CFAP65: variants seen among roughly 807,000 people sequenced by gnomAD.
The protein encoded by CFAP65 is cilia and flagella associated protein 65, also known as cilia- and flagella-associated protein 65.
CFAP65 carries 155 observed loss-of-function variants against 208.0 expected under a neutral mutation model. The observed-to-expected ratio is 0.75, with a 90% CI of 0.65 to 0.85. The LOEUF (loss-of-function observed/expected upper bound fraction) is 0.85, where lower values mean the gene tolerates loss of function less well. CFAP65 is among the 40% of genes least tolerant of loss of function. CFAP65 has a pLI of 0.00. For missense variants in CFAP65, 2,294 were observed against 2,451.3 expected (o/e 0.94, Z 1.36); for synonymous variants, 970 against 986.3 (o/e 0.98, Z 0.31).
In CFAP65 at chr2:219,028,420, T is replaced by A; in HGVS notation, c.1651-19A>T. The A allele has an allele frequency of 6.3e-7, 1 of 1,596,400 alleles. No homozygotes were observed. Among genetic ancestry groups the A allele is most frequent in the African/African-American group, 1.4e-5 (1 of 71,644 alleles). On this transcript the variant is annotated intron_variant, in intron 11 of 34. Coordinates refer to ENST00000341552, the MANE Select transcript of CFAP65 (RefSeq NM_194302.4). ...GTGGGTCCTGTGACATTTGTCTGTG[T>A]GTGGTGGGGCATGGGAGGGGTGGTA...
chr2:219,019,593 C>A lies in CFAP65; in HGVS notation c.3386G>T (p.Arg1129Leu). The stretch of plus-strand genomic sequence containing the variant: ...GTTAAGCAGGTCCAGAGAGAAGAGG[C>A]GCCACAGGTGCTTCCGGGTGATACC... ...AEGITRKHLWRLFSLDLLNSY... is the reference protein window; with the variant it reads ...AEGITRKHLWLLFSLDLLNSY... Residue 1129 changes from arginine to leucine, a missense_variant, in exon 20 of 35, where the codon CGC becomes CTC. Around this residue, in one of 2 missense-constraint regions of CFAP65, gnomAD observed 1,427 missense variants for 1,438.7 expected, o/e 0.99. Transcript: ENST00000341552. The A allele has an allele frequency of 6.2e-7, 1 of 1,613,804 alleles. No individual in the cohort carries two copies.
chr2:219,009,413 G>A lies in CFAP65; in HGVS notation c.4500C>T (p.Val1500=), dbSNP rs1946269889. ...AGGCCCTCAAGGTCACCACAAATGG[G>A]ACCGTCTCTTCAGGAGCCACCACCC... The part of the protein sequence containing the change: ...MIGVVAPEET[V]PFVVTLRASV... Residue 1500 remains valine, a synonymous_variant, in exon 28 of 35, where the codon GTC becomes GTT. Transcript: ENST00000341552. 13 of 1,612,680 alleles carry A rather than the reference G, an allele frequency of 8.1e-6. No homozygotes were observed. The highest frequency in any genetic ancestry group is 1.1e-5 in the Non-Finnish European group (13 of 1,179,942).
At chr2:219,029,319 G>C in intron 11 of CFAP65, 84 bp downstream of exon 11, 1 of 1,512,356 alleles carries the variant, frequency 6.6e-7, no homozygotes, top group East Asian at 2.3e-5. Flanking sequence ...AGAATACAGG[G>C]AAGTGCCCAC....
intron 19 of CFAP65, 94 bp downstream of exon 19, chr2:219,021,058 T>C (rs1265770433): frequency 8.6e-6 from 12 of 1,397,692 alleles, no homozygotes; most frequent in Non-Finnish European, 1.1e-5. Flanking sequence ...CTGCCAGCTC[T>C]GCCTGACGCT....
chr2:219,003,957 G>A lies in CFAP65; in HGVS notation c.5550C>T (p.Ile1850=). 1 of 1,610,056 alleles carries A rather than the reference G, an allele frequency of 6.2e-7. No individual in the cohort carries two copies. The highest frequency in any genetic ancestry group is 8.5e-7 in the Non-Finnish European group (1 of 1,177,310). Residue 1850 remains isoleucine, a synonymous_variant, in exon 33 of 35, where the codon ATC becomes ATT. Coordinates refer to ENST00000341552, the MANE Select transcript of CFAP65 (RefSeq NM_194302.4). This position sits in a 1 kb window ranked among gnomAD's most constrained non-coding sequence, Gnocchi z 4.4. ...EEQEQDEKEA[I]RRLPAFANLQ... ...ACTGGGGCCTGGCTGCTCACCTTCT[G>A]ATGGCCTCCTTCTCGTCCTGTTCTT...
At chr2:219,024,922 C>G (rs573214005) in intron 14 of CFAP65, among the ~76,000 whole-genome samples, 2 of 152,226 alleles carry the variant, frequency 1.3e-5, no homozygotes, top group South Asian at 4.1e-4. Flanking sequence ...GGTGACAGAG[C>G]GAAATTCTAT....
At chr2:219,014,185 T>A in intron 21 of CFAP65, 141 bp from the exon 22 acceptor site, 1 of 638,684 alleles carries the variant, frequency 1.6e-6, no homozygotes, top group Non-Finnish European at 2.5e-6. Context: ...CTGTCCCATG[T>A]GTGCCTGAGC....
At position 219,022,173 on chromosome 2, in the gene CFAP65, A is replaced by C; in HGVS notation, c.2977T>G (p.Ser993Ala). The C allele has an allele frequency of 6.3e-7, 1 of 1,590,136 alleles. No individual in the cohort carries two copies. Among genetic ancestry groups the C allele is most frequent in the Non-Finnish European group, 8.6e-7 (1 of 1,167,120 alleles). The change falls in exon 17 of 35, where the codon TCT (serine) becomes GCT (alanine). Residue 993 changes from serine to alanine, a missense_variant and splice_region_variant. By Grantham distance (99) the Ser-to-Ala change is moderately conservative (BLOSUM62 1). Coordinates refer to ENST00000341552, the MANE Select transcript of CFAP65 (RefSeq NM_194302.4). ...CCTGCCAGAGCCCTCCCACTCACAG[A>C]GAGGCTGCTGGTGAGCCCAACGCCC... is the stretch of plus-strand genomic sequence containing the variant. Reference protein sequence around the residue: ...LVGVGLTSSLSAKEKELAFGN... With the variant: ...LVGVGLTSSLAAKEKELAFGN...
rs1483540976 is a variant in CFAP65 at position 219,005,513 on chromosome 2, C to T, written c.4972G>A (p.Glu1658Lys). 1 of 1,613,336 alleles carries T rather than the reference C, an allele frequency of 6.2e-7. No individual in the cohort carries two copies. Among genetic ancestry groups the T allele is most frequent in the Admixed American group, 1.7e-5 (1 of 60,014 alleles). ...APREESETSE[E>K]KSPNKWGPVS... ...GGGCCCCACTTGTTAGGGGATTTTT[C>T]CTCAGAAGTCTCTGACTCTTCCCTG... The change falls in exon 32 of 35, where the codon GAA (glutamate) becomes AAA (lysine). Residue 1658 changes from glutamate (E) to lysine (K), a missense_variant. Transcript: ENST00000341552.
At chr2:219,028,546 C>T in intron 11 of CFAP65, 145 bp from the exon 12 acceptor site, 1 of 705,462 alleles carries the variant, frequency 1.4e-6, no homozygotes, top group Non-Finnish European at 2.5e-6. Flanking sequence ...TGAGCAAGCA[C>T]TCAGCAGTGG....
chr2:219,038,785 G>C, intron 3 of CFAP65, 111 bp downstream of exon 3: 1 of 1,258,024 alleles, frequency 7.9e-7, no homozygotes, highest in Non-Finnish European at 1.1e-6. Flanking sequence ...CTCAGGGAAG[G>C]CACTCCAAAG....
rs185032598 is a variant in CFAP65 at position 219,038,709 on chromosome 2, T to C, written c.154-131A>G. The C allele has an allele frequency of 2.0e-5, 22 of 1,123,114 alleles. No homozygotes were observed. The East Asian group carries it at 5.2e-4, about 27-fold the overall frequency. The allele number at this position is 1,123,114 out of a possible 1,614,324, so 69.6% of individuals were successfully genotyped here. On this transcript the variant is annotated intron_variant, in intron 3 of 34. Transcript: ENST00000341552. The stretch of plus-strand genomic sequence containing the variant: ...CCCAGCTCTGGCAACAGGTGCTACC[T>C]GGCACCATGAGGAATGAGGCTGTAC...
At position 219,039,053 on chromosome 2, in the gene CFAP65, G is replaced by A. The variant is rs759170854; in HGVS notation, c.-2-3C>T. 1.9e-6 allele frequency: 3 copies of A among 1,597,784 alleles called. No individual in the cohort carries two copies. Among genetic ancestry groups the A allele is most frequent in the African/African-American group, 1.3e-5 (1 of 74,368 alleles). On this transcript the variant is annotated splice_region_variant and splice_polypyrimidine_tract_variant and intron_variant, in intron 2 of 34. Coordinates refer to ENST00000341552, the MANE Select transcript of CFAP65 (RefSeq NM_194302.4). ...ACAACCGGTTAAGGTAAACATCACT[G>A]AAATAAATCAATCAAAGCATAAGTC...
intron 30 of CFAP65, 48 bp downstream of exon 30, chr2:219,006,417 C>G: frequency 5.0e-6 from 8 of 1,605,794 alleles, no homozygotes; most frequent in Non-Finnish European, 6.8e-6. Context: ...CAAGCAAGGA[C>G]CCTCCCAAGT....
intron 29 of CFAP65, among the ~76,000 whole-genome samples, chr2:219,007,158 G>A (rs912144181): frequency 1.4e-5 from 2 of 143,018 alleles, no homozygotes; most frequent in African/African-American, 2.9e-5. Flanking sequence ...TGTTGTTGTT[G>A]TTTTTGTTTG....
rs763502047 is a variant in CFAP65 at position 219,005,494 on chromosome 2, C to T, written c.4991G>A (p.Trp1664Ter). The change falls in exon 32 of 35, where the codon TGG becomes TAG. Residue 1664 changes from tryptophan (W) to a stop codon, truncating the protein, a stop_gained. Coordinates refer to ENST00000341552, the MANE Select transcript of CFAP65 (RefSeq NM_194302.4). LOFTEE classifies it high-confidence loss of function. Reference sequence around the variant, plus strand: ...CTTCTTCTGCTTGGAAACAGGGCCCCACTTGTTAGGGGATTTTTCCTCAGA... The same window carrying T: ...CTTCTTCTGCTTGGAAACAGGGCCCTACTTGTTAGGGGATTTTTCCTCAGA... ...ETSEEKSPNK[W>*]GPVSKQKKQL... is the part of the protein sequence containing the mutation. 7 of 1,613,544 alleles carry T rather than the reference C, an allele frequency of 4.3e-6. No individual in the cohort carries two copies. The highest frequency in any genetic ancestry group is 5.9e-6 in the Non-Finnish European group (7 of 1,179,990).
Position 219,021,181 on chromosome 2 carries a change from G to T in CFAP65, c.3230C>A (p.Thr1077Asn), listed in dbSNP as rs1344399361. The change falls in exon 19 of 35, where the codon ACC becomes AAC. Residue 1077 changes from threonine to asparagine, a missense_variant. Thr to Asn is a moderately conservative substitution (Grantham distance 65). This residue lies in a region of CFAP65 where 1,427 missense variants were observed against 1,438.7 expected (regional missense o/e 0.99). Transcript: ENST00000341552. ...GTGGGAAAGGAGAGAGTAGGTGATGGTCCAGGAGTACTGGGACCGCTGCTT... is the reference window on the plus strand; with the variant it reads ...GTGGGAAAGGAGAGAGTAGGTGATGTTCCAGGAGTACTGGGACCGCTGCTT... ...CPKQRSQYSW[T>N]ITYSLLSHRD... 2 of 1,598,566 alleles carry T rather than the reference G, an allele frequency of 1.3e-6. No individual in the cohort carries two copies. Among genetic ancestry groups the T allele is most frequent in the South Asian group, 1.1e-5 (1 of 87,830 alleles).
Position 219,003,217 on chromosome 2 carries a change from T to G in CFAP65, c.5611A>C (p.Ile1871Leu), listed in dbSNP as rs1168586347. The change falls in exon 34 of 35, where the codon ATC becomes CTC. Residue 1871 changes from isoleucine to leucine, a missense_variant. Around this residue, in one of 2 missense-constraint regions of CFAP65, gnomAD observed 1,427 missense variants for 1,438.7 expected, o/e 0.99. Transcript: ENST00000341552. The surrounding 1 kb of genome is among the most constrained non-coding windows in gnomAD (Gnocchi z 4.4). ...TCCCCGCGGCTCGCCTCCACCAGGATGTTCTGGATCATGTTCTCCAGCAGC... is the reference window on the plus strand; with the variant it reads ...TCCCCGCGGCTCGCCTCCACCAGGAGGTTCTGGATCATGTTCTCCAGCAGC... ...EALLENMIQN[I>L]LVEASRGEVV... 6.5e-7 allele frequency: 1 copy of G among 1,548,626 alleles called. No homozygotes were observed. Among genetic ancestry groups the G allele is most frequent in the African/African-American group, 1.4e-5 (1 of 72,990 alleles).
chr2:219,032,455 T>C lies in CFAP65; in HGVS notation c.645+15A>G. ...CAGGTACCTCCCTGCCCTCACTCGC[T>C]GTGGCAGACCTTACCGCCTCCAGAG... On this transcript the variant is annotated intron_variant, in intron 6 of 34. Transcript: ENST00000341552. The surrounding 1 kb of genome is among the most constrained non-coding windows in gnomAD (Gnocchi z 5.5). 6.4e-7 allele frequency: 1 copy of C among 1,570,762 alleles called. No individual in the cohort carries two copies. The highest frequency in any genetic ancestry group is 1.2e-5 in the South Asian group (1 of 85,362).
Sources: allele counts gnomAD v4.1 joint callset (sites outside exome capture counted in the v4.1 genomes callset), GRCh38; gene constraint gnomAD v4.1.1; regional missense constraint gnomAD v4.1.1; non-coding constraint Gnocchi (gnomAD v3.1); transcripts MANE v1.5; gene names NCBI Gene and HGNC (gene_info 2026-07-23, HGNC 2026-07-21).